Variants in TECPR2 observed in about 807,000 individuals in gnomAD.
The protein encoded by TECPR2 is tectonin beta-propeller repeat containing 2, also known as tectonin beta-propeller repeat-containing protein 2.
A neutral mutation model predicts 138.1 loss-of-function variants in TECPR2; 65 were observed. The observed-to-expected ratio is 0.47, with a 90% CI of 0.39 to 0.58. TECPR2 has a LOEUF of 0.58. Among genes scored for constraint, TECPR2 ranks in the 20% least tolerant of loss-of-function variants. TECPR2 has a pLI of 0.00. For synonymous variants in TECPR2, 746 were observed against 749.8 expected (o/e 0.99, Z 0.08); for missense variants, 1,553 against 1,824.5 (o/e 0.85, Z 2.71).
Position 102,407,241 on chromosome 14 carries a change from CTGATGAAGTTTT to C in TECPR2, c.220-95_220-84del, listed in dbSNP as rs1380793524. On this transcript the variant is annotated intron_variant, in intron 2 of 19. Coordinates refer to ENST00000359520, the MANE Select transcript of TECPR2 (RefSeq NM_014844.5). ...ATCAAGAATATGTATGGACTGCAGC[CTGATGAAGTTTT>C]TCACTCCTTTAGTAATGTCCTCCTT... The C allele has an allele frequency of 2.1e-6, 3 of 1,434,046 alleles. No homozygotes were observed. In the African/African-American group the frequency reaches 4.4e-5, roughly 21 times the overall value. The allele number at this position is 1,434,046 out of a possible 1,614,324, so 88.8% of individuals were successfully genotyped here.
intron 16 of TECPR2, among the ~76,000 whole-genome samples, chr14:102,464,423 C>T (rs894921788): frequency 1.3e-5 from 2 of 151,944 alleles, no homozygotes; most frequent in Admixed American, 1.3e-4. Context: ...GATGGGGCCT[C>T]GCTCTGTTGC....
At chr14:102,494,738 T>C in intron 17 of TECPR2, among the ~76,000 whole-genome samples, 1 of 150,322 alleles carries the variant, frequency 6.7e-6, no homozygotes, top group East Asian at 2.0e-4. Flanking sequence ...GCAGGAGAAT[T>C]GCTTGAACCT....
At chr14:102,383,463 A>T (rs950549917) in intron 2 of TECPR2, among the ~76,000 whole-genome samples, 2 of 150,724 alleles carry the variant, frequency 1.3e-5, no homozygotes, top group Admixed American at 6.6e-5. Flanking sequence ...GCTGGAGTGC[A>T]GTGGAGCGAT....
In TECPR2 at chr14:102,452,549, G is replaced by A. The variant is rs777493199; in HGVS notation, c.3562G>A (p.Gly1188Ser). The part of the protein sequence containing the change: ...QDALWALDSL[G>S]QVFIRTLSKS... ...TGCGCTGTGGGCGCTGGACAGCCTC[G>A]GCCAGGTGTTCATCAGGACGCTCTC... Residue 1188 changes from glycine to serine, a missense_variant, in exon 16 of 20, where the codon GGC becomes AGC. Physicochemically the swap from Gly to Ser is moderately conservative, Grantham distance 56 (BLOSUM62 0). Coordinates refer to ENST00000359520, the MANE Select transcript of TECPR2 (RefSeq NM_014844.5). The A allele has an allele frequency of 5.6e-6, 9 of 1,611,034 alleles. No individual in the cohort carries two copies. The highest frequency in any genetic ancestry group is 2.2e-5 in the East Asian group (1 of 44,802).
intron 2 of TECPR2, among the ~76,000 whole-genome samples, chr14:102,393,216 C>CCA (rs1888225810): frequency 3.3e-5 from 5 of 152,136 alleles, no homozygotes; most frequent in Admixed American, 6.5e-5. Context: ...TCCATACTTT[C>CCA]TTGAAAATTC....
chr14:102,495,370 C>CTT lies in TECPR2; in HGVS notation c.3790-1608_3790-1607dup, dbSNP rs565977652. ...TTCACCACCTTCCCTCTGAGCTTAG[C>CTT]TTAACTTGTTTGGCTATGGAACCCC... On this transcript the variant is annotated intron_variant, in intron 17 of 19. Coordinates refer to ENST00000359520, the MANE Select transcript of TECPR2 (RefSeq NM_014844.5). Among the ~76,000 whole-genome samples the CTT allele has an allele frequency of 1.1e-3, 161 of 152,318 alleles. 2 individuals carry two copies. The highest frequency in any genetic ancestry group is 3.7e-3 in the African/African-American group (155 of 41,568).
chr14:102,482,493 G>C (rs1372907696), intron 17 of TECPR2, among the ~76,000 whole-genome samples: 1 of 152,182 alleles, frequency 6.6e-6, no homozygotes, highest in Non-Finnish European at 1.5e-5. Flanking sequence ...GCCAGCTCCA[G>C]TCTGGCCTCG....
At chr14:102,401,806 A>G (rs958633003) in intron 2 of TECPR2, among the ~76,000 whole-genome samples, 22 of 140,150 alleles carry the variant, frequency 1.6e-4, no homozygotes, top group African/African-American at 6.0e-4. Flanking sequence ...CTCCGTCTCA[A>G]AAAAAAAAAA....
intron 9 of TECPR2, 39 bp from the exon 10 acceptor site, chr14:102,437,983 G>A: frequency 6.2e-7 from 1 of 1,601,256 alleles, no homozygotes; most frequent in Non-Finnish European, 8.5e-7. Flanking sequence ...ATGTGGCTGT[G>A]TCCTCTGCCA....
chr14:102,446,094 TCTC>T, intron 13 of TECPR2, 147 bp downstream of exon 13: 1 of 1,099,908 alleles, frequency 9.1e-7, no homozygotes, highest in South Asian at 1.8e-5. Flanking sequence ...TGAAACAAGA[TCTC>T]CTTCCGTCAT....
intron 2 of TECPR2, among the ~76,000 whole-genome samples, chr14:102,401,030 G>A (rs1162620219): frequency 8.7e-5 from 13 of 148,790 alleles, no homozygotes; most frequent in South Asian, 2.1e-4. Flanking sequence ...GAGACTCGTC[G>A]CAAAAAAAAA....
At chr14:102,454,617 C>T (rs771307480) in intron 16 of TECPR2, among the ~76,000 whole-genome samples, 3 of 152,200 alleles carry the variant, frequency 2.0e-5, no homozygotes, top group Non-Finnish European at 4.4e-5. Flanking sequence ...GCCGCCTGCC[C>T]TGGAAAGCCT....
rs1330043315 is a variant in TECPR2, at chr14:102,432,077, C to T, written c.1366C>T (p.Leu456Phe). 2 of 1,610,280 alleles carry T rather than the reference C, an allele frequency of 1.2e-6. No individual in the cohort carries two copies. Among genetic ancestry groups the T allele is most frequent in the South Asian group, 1.1e-5 (1 of 90,848 alleles). The change falls in exon 8 of 20, where the codon CTT becomes TTT. Residue 456 changes from leucine to phenylalanine, a missense_variant. Coordinates refer to ENST00000359520, the MANE Select transcript of TECPR2 (RefSeq NM_014844.5). ...CAGCTCAGAGGACTTTGACCAGGAG[C>T]TTGTCGTGAAGCCTATCAAAGTGAA... is the stretch of plus-strand genomic sequence containing the variant. ...AISSEDFDQELVVKPIKVKRK... is the reference protein window; with the variant it reads ...AISSEDFDQEFVVKPIKVKRK...
intron 9 of TECPR2, 68 bp downstream of exon 9, chr14:102,435,279 T>G (rs1204975181): frequency 6.7e-7 from 1 of 1,498,196 alleles, no homozygotes; most frequent in East Asian, 2.3e-5. Context: ...TTGTCAAGAC[T>G]GATTATTTTC....
At chr14:102,465,688 A>G in intron 17 of TECPR2, 1 of 981,272 alleles carries the variant, frequency 1.0e-6, no homozygotes, top group Non-Finnish European at 1.2e-6. Context: ...CATGGAGAAA[A>G]TGCTGAGTGC....
At position 102,431,553 on chromosome 14, in the gene TECPR2, A is replaced by G. The variant is rs531954193; in HGVS notation, c.1085-243A>G. 4.3e-4 allele frequency among the ~76,000 whole-genome samples: 65 copies of G among 152,236 alleles called. No homozygotes were observed. In the East Asian group the frequency reaches 5.4e-3, roughly 13 times the overall value. On this transcript the variant is annotated intron_variant, in intron 7 of 19. Transcript: ENST00000359520. Reference sequence around the variant, plus strand: ...GAGACGGGGTTTCACTGTGTTAGCCAGGATGGTCTTGATCTCCTGACCTTG... The same window carrying G: ...GAGACGGGGTTTCACTGTGTTAGCCGGGATGGTCTTGATCTCCTGACCTTG...
At chr14:102,366,465 G>A (rs150875975) in intron 1 of TECPR2, among the ~76,000 whole-genome samples, 4,139 of 152,208 alleles carry the variant, frequency 0.027, 74 homozygotes, top group Middle Eastern at 0.085. Context: ...TCCTGCCTCA[G>A]CCTCCCAAGT....
intron 1 of TECPR2, among the ~76,000 whole-genome samples, chr14:102,373,502 T>G (rs1567313227): frequency 1.3e-5 from 2 of 152,212 alleles, no homozygotes; most frequent in Admixed American, 6.5e-5. Flanking sequence ...TAAGTTAGGC[T>G]AGGCTAAGCT....
At chr14:102,486,286 A>G (rs1269071226) in intron 17 of TECPR2, among the ~76,000 whole-genome samples, 2 of 151,946 alleles carry the variant, frequency 1.3e-5, no homozygotes, top group African/African-American at 4.8e-5. Context: ...TAGCAGTGGG[A>G]CCCATTCTTC....
Sources: gnomAD v4.1 joint callset for allele counts (sites outside exome capture counted in the v4.1 genomes callset) on GRCh38, gnomAD v4.1.1 for gene constraint, MANE v1.5 for transcripts, NCBI Gene and HGNC (gene_info 2026-07-23, HGNC 2026-07-21) for gene names.